NFYB: variants seen among roughly 807,000 people sequenced by gnomAD.
NFYB encodes CAAT box DNA-binding protein subunit B.
A neutral mutation model predicts 28.0 loss-of-function variants in NFYB; 13 were observed. The ratio of observed to expected loss-of-function variants is 0.46; its 90% CI spans 0.30 to 0.74. NFYB has a LOEUF of 0.74. Among genes scored for constraint, NFYB ranks in the 30% least tolerant of loss-of-function variants. The pLI is 0.07. For missense variants in NFYB, 142 were observed against 247.6 expected, an observed-to-expected ratio of 0.57 and a Z score of 2.86; for synonymous variants, 74 against 75.0, an observed-to-expected ratio of 0.99 and a Z score of 0.07.
At chr12:104,136,673 G>A (rs890482176) in intron 1 of NFYB, among the ~76,000 whole-genome samples, 1 of 152,104 alleles carries the variant, frequency 6.6e-6, no homozygotes, top group Non-Finnish European at 1.5e-5. Flanking sequence ...GGTGTGGGCA[G>A]GGAGTCATAC....
chr12:104,130,818 T>C (rs2030895980), intron 2 of NFYB, among the ~76,000 whole-genome samples: 1 of 152,072 alleles, frequency 6.6e-6, no homozygotes, highest in Non-Finnish European at 1.5e-5. Context: ...TACCTGTGAG[T>C]TGACTAGCTT....
chr12:104,133,416 G>C (rs1027522911), intron 2 of NFYB, among the ~76,000 whole-genome samples: 6 of 152,188 alleles, frequency 3.9e-5, no homozygotes, highest in African/African-American at 1.4e-4. Context: ...AACCAGGATG[G>C]TGTTTGTGAG....
Position 104,119,644 on chromosome 12 carries a change from C to A in NFYB, c.*93G>T, listed in dbSNP as rs1001215332. The A allele has an allele frequency of 1.2e-6, 1 of 856,620 alleles. No individual in the cohort carries two copies. The highest frequency in any genetic ancestry group is 1.9e-6 in the Non-Finnish European group (1 of 536,530). 53.1% of individuals were successfully genotyped at this position (856,620 alleles called of 1,614,324 possible). ...TTACAGCTATTAATATACAAAGATA[C>A]ATCTTTTCACCAGTCTTTCCTTCTG... On this transcript the variant is annotated 3_prime_UTR_variant, in exon 8 of 8. Coordinates refer to ENST00000240055, the MANE Select transcript of NFYB (RefSeq NM_006166.4).
intron 5 of NFYB, among the ~76,000 whole-genome samples, chr12:104,122,707 C>T (rs916514748): frequency 5.3e-5 from 8 of 152,078 alleles, no homozygotes; most frequent in Admixed American, 2.6e-4. Context: ...GACCCCAGAG[C>T]GTGGAAAAAT....
chr12:104,137,684 A>C (rs1287820567), intron 1 of NFYB: 3 of 148,180 alleles, frequency 2.0e-5, no homozygotes, highest in African/African-American at 7.4e-5. Context: ...GGGCGGGAGG[A>C]GGGCGCCCCC....
chr12:104,127,440 C>G (rs1317346163), intron 3 of NFYB, among the ~76,000 whole-genome samples: 1 of 151,734 alleles, frequency 6.6e-6, no homozygotes, highest in African/African-American at 2.4e-5. Context: ...TGGTGCTGGG[C>G]GCCTGTGATC....
intron 1 of NFYB, among the ~76,000 whole-genome samples, chr12:104,136,028 T>C (rs1438444035): frequency 6.6e-6 from 1 of 152,156 alleles, no homozygotes; most frequent in Admixed American, 6.5e-5. Flanking sequence ...TATCTGAGAA[T>C]ATAATGCTTT....
At chr12:104,124,680 C>T (rs2030614606) in intron 4 of NFYB, among the ~76,000 whole-genome samples, 1 of 152,192 alleles carries the variant, frequency 6.6e-6, no homozygotes, top group African/African-American at 2.4e-5. Context: ...TTCTTTTCTT[C>T]ATACTAAGTC....
At chr12:104,121,686 G>C (rs765841882) in intron 5 of NFYB, among the ~76,000 whole-genome samples, 25 of 152,160 alleles carry the variant, frequency 1.6e-4, no homozygotes, top group Non-Finnish European at 2.5e-4. Flanking sequence ...GATCACTTAA[G>C]TATATATATG....
chr12:104,120,687 C>G (rs1396114699), intron 6 of NFYB, among the ~76,000 whole-genome samples: 1 of 152,094 alleles, frequency 6.6e-6, no homozygotes, highest in Non-Finnish European at 1.5e-5. Flanking sequence ...TTCAATTTTC[C>G]TATCTCTAAC....
chr12:104,119,912 T>C, intron 7 of NFYB, 143 bp from the exon 8 acceptor site: 4 of 611,010 alleles, frequency 6.5e-6, no homozygotes, highest in Admixed American at 2.8e-5. Flanking sequence ...AAATCTCCTA[T>C]GCAAATATGA....
intron 4 of NFYB, chr12:104,125,246 A>C: frequency 6.4e-6 from 1 of 156,432 alleles, no homozygotes; most frequent in Non-Finnish European, 1.4e-5. Flanking sequence ...GTCTACGGCC[A>C]TACCACCCTG....
At chr12:104,129,891 C>T (rs2136664651) in intron 2 of NFYB, among the ~76,000 whole-genome samples, 1 of 151,976 alleles carries the variant, frequency 6.6e-6, no homozygotes, top group Admixed American at 6.6e-5. Flanking sequence ...GAGGAGGGGT[C>T]AGGAAGATCT....
At chr12:104,126,928 TA>T (rs2030738745) in intron 3 of NFYB, among the ~76,000 whole-genome samples, 1 of 152,228 alleles carries the variant, frequency 6.6e-6, no homozygotes, top group South Asian at 2.1e-4. Context: ...TGGACTTGAT[TA>T]TTACTGATCC....
At chr12:104,126,035 A>C in intron 4 of NFYB, 79 bp downstream of exon 4, 52 of 1,384,740 alleles carry the variant, frequency 3.8e-5, no homozygotes, top group Non-Finnish European at 4.7e-5. Context: ...TCAACAGCTA[A>C]CTGTACCCAT....
chr12:104,123,212 G>T lies in NFYB; in HGVS notation c.429+14C>A. Reference sequence around the variant, plus strand: ...GAAGAAAAAAAAAAGCACAATGGGAGATATTTTATTTACCTCTCTGAATTT... The same window carrying T: ...GAAGAAAAAAAAAAGCACAATGGGATATATTTTATTTACCTCTCTGAATTT... On this transcript the variant is annotated intron_variant, in intron 5 of 7. Transcript: ENST00000240055. 1 of 1,579,610 alleles carries T rather than the reference G, an allele frequency of 6.3e-7. No homozygotes were observed. Among genetic ancestry groups the T allele is most frequent in the Non-Finnish European group, 8.6e-7 (1 of 1,159,860 alleles).
chr12:104,121,286 G>A lies in NFYB; in HGVS notation c.465C>T (p.Val155=), dbSNP rs201929777. 1.9e-6 allele frequency: 3 copies of A among 1,612,418 alleles called. No individual in the cohort carries two copies. The highest frequency in any genetic ancestry group is 1.7e-5 in the Admixed American group (1 of 59,986). ...CTTCACTTAGTCCATCTGTAGCTGT[G>A]ACTGCTCCACCAATTCCCTTTTCTC... The part of the protein sequence containing the change: ...MKGEKGIGGA[V]TATDGLSEEL... Residue 155 remains valine (V), a synonymous_variant, in exon 6 of 8, where the codon GTC becomes GTT. Transcript: ENST00000240055.
chr12:104,132,636 G>A (rs1481069203), intron 2 of NFYB, among the ~76,000 whole-genome samples: 2 of 152,204 alleles, frequency 1.3e-5, no homozygotes, highest in Non-Finnish European at 2.9e-5. Flanking sequence ...TAGAGATACA[G>A]GAAGACCAAG....
chr12:104,137,996 C>G (rs1276051574), intron 1 of NFYB, 145 bp downstream of exon 1: 1 of 145,708 alleles, frequency 6.9e-6, no homozygotes, highest in Admixed American at 6.8e-5. Flanking sequence ...GGCCCGGCCT[C>G]GGCCCGCGCG....
Sources: gnomAD v4.1 joint callset for allele counts (sites outside exome capture counted in the v4.1 genomes callset) on GRCh38, gnomAD v4.1.1 for gene constraint, MANE v1.5 for transcripts, NCBI Gene and HGNC (gene_info 2026-07-23, HGNC 2026-07-21) for gene names.